Variants in PLSCR5 observed in about 807,000 individuals in gnomAD.
PLSCR5 encodes the protein phospholipid scramblase family, member 5.
A neutral mutation model predicts 33.6 loss-of-function variants in PLSCR5; 44 were observed. The observed-to-expected ratio is 1.31, with a 90% CI of 1.03 to 1.69. The LOEUF is 1.69. PLSCR5 is among the 40% of genes most tolerant of loss of function. The pLI, the probability that PLSCR5 is intolerant of heterozygous loss-of-function variation, is 0.00. For synonymous variants in PLSCR5, 148 were observed against 112.3 expected, an observed-to-expected ratio of 1.32 and a Z score of -2.01; for missense variants, 375 against 318.7, an observed-to-expected ratio of 1.18 and a Z score of -1.34.
At chr3:146,589,443 G>C (rs1179146810) in intron 6 of PLSCR5, among the ~76,000 whole-genome samples, 1 of 152,124 alleles carries the variant, frequency 6.6e-6, no homozygotes, top group Admixed American at 6.6e-5. Flanking sequence ...CTTTGAGAAA[G>C]GGGATATGAG....
At chr3:146,591,640 T>A in intron 5 of PLSCR5, 80 bp downstream of exon 5, 1 of 1,386,830 alleles carries the variant, frequency 7.2e-7, no homozygotes, top group Non-Finnish European at 9.8e-7. Context: ...TGAAATTAAT[T>A]TGAACATAAA....
At chr3:146,590,391 A>G (rs992066158) in intron 5 of PLSCR5, 2 of 152,046 alleles carry the variant, frequency 1.3e-5, no homozygotes, top group African/African-American at 4.8e-5. Flanking sequence ...ATACTTTCTA[A>G]CAAATCCTAA....
intron 6 of PLSCR5, among the ~76,000 whole-genome samples, chr3:146,586,577 C>A (rs2044667737): frequency 6.6e-6 from 1 of 151,982 alleles, no homozygotes; most frequent in African/African-American, 2.4e-5. Flanking sequence ...AATATTTGAA[C>A]AAAAATTAGA....
downstream of PLSCR5, among the ~76,000 whole-genome samples, chr3:146,582,345 CAT>C (rs1313819493): frequency 1.3e-5 from 2 of 152,194 alleles, no homozygotes; most frequent in Admixed American, 1.3e-4. Context: ...TCCCCTGACA[CAT>C]GTGCAGTAAG....
chr3:146,598,926 T>G (rs2044786223), intron 2 of PLSCR5, among the ~76,000 whole-genome samples: 1 of 152,226 alleles, frequency 6.6e-6, no homozygotes, highest in African/African-American at 2.4e-5. Flanking sequence ...ATATGCTGCG[T>G]GCAGCTTAAA....
downstream of PLSCR5, among the ~76,000 whole-genome samples, chr3:146,583,013 C>A (rs1270296530): frequency 2.0e-5 from 3 of 152,068 alleles, no homozygotes; most frequent in African/African-American, 7.2e-5. Context: ...TATCCCCAAC[C>A]AATCAGCAGC....
At chr3:146,598,859 G>C (rs1350360721) in intron 2 of PLSCR5, among the ~76,000 whole-genome samples, 1 of 152,190 alleles carries the variant, frequency 6.6e-6, no homozygotes, top group East Asian at 1.9e-4. Flanking sequence ...AAGTACATTT[G>C]TCTGCCAGTG....
Position 146,591,823 on chromosome 3 carries a change from G to C in PLSCR5, c.512C>G (p.Pro171Arg), listed in dbSNP as rs770708329. ...IVGYVTQKWD[P>R]FLPKFTIQNA... ...TTGGATTGTGAATTTAGGCAGAAAG[G>C]GGTCCCACTTCTGCGTAACGTAACC... The change falls in exon 5 of 8, where the codon CCC becomes CGC. Residue 171 changes from proline to arginine, a missense_variant. By Grantham distance (103) the Pro-to-Arg change is moderately radical (BLOSUM62 -2). Coordinates refer to ENST00000443512, the MANE Select transcript of PLSCR5 (RefSeq NM_001085420.2). 23 of 1,612,238 alleles carry C rather than the reference G, an allele frequency of 1.4e-5. No homozygotes were observed. The Admixed American group carries it at 3.7e-4, about 26-fold the overall frequency.
rs1297793508 is a variant in PLSCR5 at position 146,594,025 on chromosome 3, C to T, written c.348G>A (p.Leu116=). 6.2e-7 allele frequency: 1 copy of T among 1,613,794 alleles called. No homozygotes were observed. The highest frequency in any genetic ancestry group is 1.1e-5 in the South Asian group (1 of 91,074). Residue 116 remains leucine, a synonymous_variant, in exon 4 of 8, where the codon CTG becomes CTA. Coordinates refer to ENST00000443512, the MANE Select transcript of PLSCR5 (RefSeq NM_001085420.2). ...CTGTGATCCTCAGGGTGCAAGATCG[C>T]AGAGTGGAACAGAAAGTACGATTGA... ...ICFNRTFCST[L]RSCTLRITDN... is the part of the protein sequence containing the mutation.
intron 7 of PLSCR5, among the ~76,000 whole-genome samples, chr3:146,577,557 C>G (rs342930): frequency 1.3e-5 from 2 of 151,890 alleles, no homozygotes; most frequent in Admixed American, 1.3e-4. Flanking sequence ...CTGTTTGGTA[C>G]GCCAATGTTA....
chr3:146,600,271 T>A lies in PLSCR5; in HGVS notation c.189+17A>T. 1 of 1,523,762 alleles carries A rather than the reference T, an allele frequency of 6.6e-7. No individual in the cohort carries two copies. The highest frequency in any genetic ancestry group is 8.9e-7 in the Non-Finnish European group (1 of 1,129,462). The allele number at this position is 1,523,762 out of a possible 1,614,324, so 94.4% of individuals were successfully genotyped here. A position where few individuals can be genotyped will look rare whatever the true frequency, so the allele number is the denominator to read the frequency against. On this transcript the variant is annotated intron_variant, in intron 2 of 7. Coordinates refer to ENST00000443512, the MANE Select transcript of PLSCR5 (RefSeq NM_001085420.2). ...TAAGGGTAGAACATATCTGTAGTAATAGAAAGATAAAAACACCTGGCTTAA... is the reference window on the plus strand; with the variant it reads ...TAAGGGTAGAACATATCTGTAGTAAAAGAAAGATAAAAACACCTGGCTTAA...
chr3:146,589,372 T>C (rs2044690478), intron 6 of PLSCR5, among the ~76,000 whole-genome samples: 2 of 152,124 alleles, frequency 1.3e-5, no homozygotes, highest in Admixed American at 6.5e-5. Flanking sequence ...AAATTGAACG[T>C]AAAAGCAAGG....
At chr3:146,600,183 A>G (rs1006284159) in intron 2 of PLSCR5, 105 bp downstream of exon 2, 5 of 879,744 alleles carry the variant, frequency 5.7e-6, no homozygotes, top group African/African-American at 3.5e-5. Flanking sequence ...TCATTTCAGT[A>G]AATTATTGGT....
At chr3:146,581,591 C>T (rs1407385054), downstream of PLSCR5, among the ~76,000 whole-genome samples, 2 of 152,004 alleles carry the variant, frequency 1.3e-5, no homozygotes, top group African/African-American at 4.8e-5. Context: ...AAAATATTAG[C>T]TAAATAAGTG....
In PLSCR5 at chr3:146,593,833, T is replaced by C. The variant is rs2044734626; in HGVS notation, c.453+87A>G. 2.4e-6 allele frequency: 3 copies of C among 1,226,730 alleles called. No individual in the cohort carries two copies. In the East Asian group the frequency reaches 7.1e-5, roughly 29 times the overall value. The allele number at this position is 1,226,730 out of a possible 1,614,324, so 76.0% of individuals were successfully genotyped here. ...ATAATTAAAACAACTGGCAGGTTAA[T>C]TGCCTCATTGCTCCAGATGAATTCC... On this transcript the variant is annotated intron_variant, in intron 4 of 7. Coordinates refer to ENST00000443512, the MANE Select transcript of PLSCR5 (RefSeq NM_001085420.2).
downstream of PLSCR5, among the ~76,000 whole-genome samples, chr3:146,582,001 C>A (rs148933088): frequency 6.4e-3 from 967 of 152,252 alleles, 7 homozygotes; most frequent in African/African-American, 0.022. Flanking sequence ...TTTTTGACAT[C>A]TCTTTTTGAA....
chr3:146,583,025 C>T (rs960015090), downstream of PLSCR5, among the ~76,000 whole-genome samples: 4 of 151,956 alleles, frequency 2.6e-5, no homozygotes, highest in African/African-American at 9.7e-5. Context: ...ATCAGCAGCA[C>T]CCATTCCCTA....
At chr3:146,599,883 T>G (rs1194873241) in intron 2 of PLSCR5, among the ~76,000 whole-genome samples, 1 of 152,034 alleles carries the variant, frequency 6.6e-6, no homozygotes, top group Non-Finnish European at 1.5e-5. Context: ...TTGCGCAGCC[T>G]GGTCTGGAAC....
downstream of PLSCR5, among the ~76,000 whole-genome samples, chr3:146,584,293 A>T (rs560873223): frequency 6.6e-5 from 10 of 152,288 alleles, no homozygotes; most frequent in South Asian, 1.9e-3. Flanking sequence ...CTTCTTCATC[A>T]TCACCAGAGT....
Sources: allele counts gnomAD v4.1 joint callset (sites outside exome capture counted in the v4.1 genomes callset), GRCh38; gene constraint gnomAD v4.1.1; transcripts MANE v1.5; gene names NCBI Gene and HGNC (gene_info 2026-07-23, HGNC 2026-07-21).